ABTB2: variants seen among roughly 807,000 people sequenced by gnomAD.
The protein encoded by ABTB2 is ankyrin repeat and BTB/POZ domain-containing protein 2.
In ABTB2, 56 loss-of-function variants were observed where a neutral mutation model predicts 104.1. The observed-to-expected ratio is 0.54, with a 90% CI of 0.43 to 0.67. The LOEUF is 0.67. ABTB2 is among the 30% of genes least tolerant of loss of function. The pLI, the probability that ABTB2 is intolerant of heterozygous loss-of-function variation, is 0.00. For synonymous variants in ABTB2, 606 were observed against 608.2 expected (o/e 1.00, Z 0.05); for missense variants, 1,279 against 1,407.7 (o/e 0.91, Z 1.46).
In ABTB2 at chr11:34,172,403, T is replaced by A. The variant is rs1467393818; in HGVS notation, c.1397+752A>T. 2.5e-3 allele frequency among the ~76,000 whole-genome samples: 155 copies of A among 63,184 alleles called. 9 individuals carry two copies. Among genetic ancestry groups the A allele is most frequent in the African/African-American group, 7.6e-3 (138 of 18,234 alleles). 41.5% of individuals were successfully genotyped at this position (63,184 alleles called of 152,430 possible). On this transcript the variant is annotated intron_variant, in intron 4 of 16. Transcript: ENST00000435224. Reference sequence around the variant, plus strand: ...AAAAAAAAAAAAAAAAAAATATATATATATATATATATATATGTGTGTGTG... The same window carrying A: ...AAAAAAAAAAAAAAAAAAATATATAAATATATATATATATATGTGTGTGTG...
chr11:34,152,377 G>T lies in ABTB2; in HGVS notation c.*10C>A. ...ACAGGCCCTGGCCTCGGCAGCCTCC[G>T]CCCCCTGCCTCACACCCGGGAGGTG... On this transcript the variant is annotated 3_prime_UTR_variant, in exon 17 of 17. Coordinates refer to ENST00000435224, the MANE Select transcript of ABTB2 (RefSeq NM_145804.3). The T allele has an allele frequency of 6.4e-7, 1 of 1,553,136 alleles. No individual in the cohort carries two copies.
At chr11:34,273,392 C>G (rs1385301130) in intron 1 of ABTB2, among the ~76,000 whole-genome samples, 1 of 152,186 alleles carries the variant, frequency 6.6e-6, no homozygotes, top group African/African-American at 2.4e-5. Flanking sequence ...TGGGGAACCT[C>G]GACCGACTCC....
chr11:34,300,512 CA>C, intron 1 of ABTB2, among the ~76,000 whole-genome samples: 1 of 152,278 alleles, frequency 6.6e-6, no homozygotes, highest in African/African-American at 2.4e-5. Flanking sequence ...GAAAGGCACC[CA>C]TTAGCATGTT....
chr11:34,349,648 T>A (rs1438656354), intron 1 of ABTB2, among the ~76,000 whole-genome samples: 1 of 152,036 alleles, frequency 6.6e-6, no homozygotes, highest in Non-Finnish European at 1.5e-5. Flanking sequence ...ATCCTATGAG[T>A]TGGGTACTAT....
chr11:34,228,606 C>T (rs927384885), intron 1 of ABTB2, among the ~76,000 whole-genome samples: 4 of 151,674 alleles, frequency 2.6e-5, no homozygotes, highest in African/African-American at 4.8e-5. Flanking sequence ...TCTCGACATC[C>T]GACCTCAGGT....
chr11:34,175,335 C>T (rs1852948036), intron 3 of ABTB2, among the ~76,000 whole-genome samples: 2 of 152,228 alleles, frequency 1.3e-5, no homozygotes, highest in African/African-American at 4.8e-5. Flanking sequence ...ATTGAATACA[C>T]CTCACCTACT....
chr11:34,151,172 G>T lies in ABTB2; in HGVS notation c.*1215C>A, dbSNP rs1389220659. 1 of 152,584 alleles carries T rather than the reference G, an allele frequency of 6.6e-6. No homozygotes were observed. The highest frequency in any genetic ancestry group is 1.5e-5 in the Non-Finnish European group (1 of 68,034). The allele number at this position is 152,584 out of a possible 1,614,324, so 9.5% of individuals were successfully genotyped here. A position where few individuals can be genotyped will look rare whatever the true frequency, so the allele number is the denominator to read the frequency against. ...TTGCAAGCCCCTGGGGGCTTTTCAG[G>T]GTGACCTGAGTGCCACCTTCTGAAA... On this transcript the variant is annotated 3_prime_UTR_variant, in exon 17 of 17. Transcript: ENST00000435224.
chr11:34,158,671 C>G (rs1371542576), intron 14 of ABTB2, among the ~76,000 whole-genome samples: 1 of 152,196 alleles, frequency 6.6e-6, no homozygotes, highest in African/African-American at 2.4e-5. Flanking sequence ...AGATCCCAGC[C>G]AGGTCTTCCT....
At chr11:34,172,239 G>C (rs940386424) in intron 4 of ABTB2, among the ~76,000 whole-genome samples, 44 of 151,306 alleles carry the variant, frequency 2.9e-4, no homozygotes, top group African/African-American at 1.0e-3. Flanking sequence ...AGACGTGGTG[G>C]TGCGTGCCTG....
intron 1 of ABTB2, among the ~76,000 whole-genome samples, chr11:34,218,845 T>TC (rs1853579851): frequency 2.8e-5 from 1 of 36,194 alleles, no homozygotes; most frequent in South Asian, 1.3e-3. Context: ...AAACTCCATC[T>TC]CAAAAAAAAA....
chr11:34,193,352 A>G (rs1398191012), intron 3 of ABTB2, among the ~76,000 whole-genome samples: 1 of 152,212 alleles, frequency 6.6e-6, no homozygotes, highest in African/African-American at 2.4e-5. Context: ...CCAGCTGCAG[A>G]GCTTTCCCAG....
chr11:34,269,341 T>C (rs1186042123), intron 1 of ABTB2, among the ~76,000 whole-genome samples: 1 of 152,176 alleles, frequency 6.6e-6, no homozygotes, highest in Non-Finnish European at 1.5e-5. Flanking sequence ...TCACAGCAGA[T>C]TTGCTTCTGT....
chr11:34,160,668 C>T (rs1364659353), intron 11 of ABTB2, among the ~76,000 whole-genome samples: 20 of 77,716 alleles, frequency 2.6e-4, no homozygotes, highest in African/African-American at 7.6e-4. Flanking sequence ...CACGCGCGCG[C>T]GTGTGTGTGT....
At chr11:34,192,843 C>T (rs868613571) in intron 3 of ABTB2, among the ~76,000 whole-genome samples, 37 of 152,208 alleles carry the variant, frequency 2.4e-4, no homozygotes, top group Middle Eastern at 3.2e-3. Flanking sequence ...CACCTCCTGT[C>T]GACCTCAGGC....
At chr11:34,247,261 C>T (rs550888851) in intron 1 of ABTB2, among the ~76,000 whole-genome samples, 1 of 152,322 alleles carries the variant, frequency 6.6e-6, no homozygotes, top group South Asian at 2.1e-4. Flanking sequence ...ATGCCAGCAC[C>T]ACCCCCTCCC....
intron 1 of ABTB2, among the ~76,000 whole-genome samples, chr11:34,331,682 A>G (rs1398220844): frequency 2.6e-5 from 4 of 152,240 alleles, no homozygotes; most frequent in African/African-American, 9.6e-5. Flanking sequence ...CAGTTGATAA[A>G]TGAATCTTCC....
chr11:34,204,907 T>C (rs1002326628), intron 1 of ABTB2, among the ~76,000 whole-genome samples: 1 of 152,160 alleles, frequency 6.6e-6, no homozygotes, highest in African/African-American at 2.4e-5. Flanking sequence ...AGCTGTGGTT[T>C]TAAGCACGTG....
chr11:34,290,356 A>G lies in ABTB2; in HGVS notation c.883+66345T>C, dbSNP rs1408397867. ...AGTTTCTTTTGCCAAGATTGTATCT[A>G]ATTCCTCCCTGACCTCAGCAGTCCA... is the stretch of plus-strand genomic sequence containing the variant. On this transcript the variant is annotated intron_variant, in intron 1 of 16. Transcript: ENST00000435224. Among the ~76,000 whole-genome samples, 17 of 152,372 alleles carry G rather than the reference A, an allele frequency of 1.1e-4. 1 individual carries two copies. In the East Asian group the frequency reaches 3.3e-3, roughly 29 times the overall value.
At chr11:34,294,483 T>A (rs1379543991) in intron 1 of ABTB2, among the ~76,000 whole-genome samples, 1 of 152,000 alleles carries the variant, frequency 6.6e-6, no homozygotes, top group Non-Finnish European at 1.5e-5. Flanking sequence ...GGGAAAATGA[T>A]GGTGCTGACT....
Sources: allele counts gnomAD v4.1 joint callset (sites outside exome capture counted in the v4.1 genomes callset), GRCh38; gene constraint gnomAD v4.1.1; transcripts MANE v1.5; gene names NCBI Gene and HGNC (gene_info 2026-07-23, HGNC 2026-07-21).